Variants in ZNF385D observed in about 807,000 individuals in gnomAD.
ZNF385D encodes zinc finger protein 385D.
ZNF385D carries 15 observed loss-of-function variants against 35.8 expected under a neutral mutation model. The ratio of observed to expected loss-of-function variants is 0.42; its 90% CI spans 0.28 to 0.64. The LOEUF is 0.64. Among genes scored for constraint, ZNF385D ranks in the 30% least tolerant of loss-of-function variants. The probability of loss-of-function intolerance (pLI) is 0.23; values close to 1 mark genes in which losing one functional copy is unlikely to be tolerated. For missense variants in ZNF385D, 474 were observed against 494.6 expected, an observed-to-expected ratio of 0.96 and a Z score of 0.39; for synonymous variants, 212 against 186.8, an observed-to-expected ratio of 1.13 and a Z score of -1.10.
intron 2 of ZNF385D, among the ~76,000 whole-genome samples, chr3:21,647,834 A>G (rs1055624714): frequency 2.0e-5 from 3 of 152,172 alleles, no homozygotes; most frequent in East Asian, 1.9e-4. Context: ...TACCTGTTTT[A>G]TAGGCTTGGC....
chr3:21,430,834 C>A (rs1701261361), intron 5 of ZNF385D, among the ~76,000 whole-genome samples: 1 of 152,118 alleles, frequency 6.6e-6, no homozygotes, highest in South Asian at 2.1e-4. Flanking sequence ...TATTAACATG[C>A]AACAATTAAT....
intron 3 of ZNF385D, among the ~76,000 whole-genome samples, chr3:21,882,277 C>CAA (rs1461215270): frequency 2.0e-5 from 3 of 151,968 alleles, no homozygotes; most frequent in African/African-American, 7.2e-5. Flanking sequence ...ACAGCCATCT[C>CAA]AAACTTCAGC....
At chr3:22,044,173 CA>C (rs1698845154) in intron 3 of ZNF385D, among the ~76,000 whole-genome samples, 1 of 150,980 alleles carries the variant, frequency 6.6e-6, no homozygotes, top group East Asian at 2.0e-4. Context: ...CATGGATAGT[CA>C]CAAAAGTACT....
chr3:21,887,588 C>T (rs536702195), intron 3 of ZNF385D, among the ~76,000 whole-genome samples: 75 of 152,040 alleles, frequency 4.9e-4, no homozygotes, highest in Non-Finnish European at 7.9e-4. Context: ...GGAATTTGCT[C>T]TCATGGAAAT....
intron 3 of ZNF385D, among the ~76,000 whole-genome samples, chr3:21,930,890 G>C (rs889301435): frequency 1.3e-5 from 2 of 152,060 alleles, no homozygotes; most frequent in African/African-American, 4.8e-5. Flanking sequence ...AAATCTTCAA[G>C]ACCTTGGGTT....
intron 3 of ZNF385D, among the ~76,000 whole-genome samples, chr3:22,161,589 G>A (rs913894389): frequency 3.3e-5 from 5 of 152,058 alleles, no homozygotes; most frequent in South Asian, 2.1e-4. Flanking sequence ...TTCTAATATA[G>A]AATTCCTTTC....
chr3:22,318,678 C>T (rs1014852723), intron 2 of ZNF385D, among the ~76,000 whole-genome samples: 1 of 151,616 alleles, frequency 6.6e-6, no homozygotes, highest in Non-Finnish European at 1.5e-5. Flanking sequence ...AGATTGAGCA[C>T]GAGGAATACA....
intron 2 of ZNF385D, among the ~76,000 whole-genome samples, chr3:22,176,346 C>G (rs1441448769): frequency 2.6e-5 from 4 of 152,140 alleles, no homozygotes; most frequent in African/African-American, 9.7e-5. Flanking sequence ...TACTAAAAAG[C>G]ATTAATTGTT....
intron 3 of ZNF385D, among the ~76,000 whole-genome samples, chr3:22,002,291 A>T (rs1497932): frequency 0.66 from 99,683 of 151,920 alleles, 33,997 homozygotes; most frequent in African/African-American, 0.83. Flanking sequence ...ATACGAAGAA[A>T]CATTAGAGGA....
chr3:21,481,749 T>A (rs1704642864), intron 4 of ZNF385D, among the ~76,000 whole-genome samples: 1 of 152,164 alleles, frequency 6.6e-6, no homozygotes, highest in Admixed American at 6.6e-5. Context: ...AAGTCACCTT[T>A]CTGAAACCTC....
intron 3 of ZNF385D, among the ~76,000 whole-genome samples, chr3:21,936,452 A>G (rs1701262737): frequency 6.6e-6 from 1 of 151,500 alleles, no homozygotes; most frequent in Non-Finnish European, 1.5e-5. Context: ...CACCAATACT[A>G]TTTTCCCTTA....
intron 3 of ZNF385D, among the ~76,000 whole-genome samples, chr3:22,118,456 G>A (rs1702919779): frequency 6.6e-6 from 1 of 152,088 alleles, no homozygotes; most frequent in South Asian, 2.1e-4. Flanking sequence ...GTGAAAACAT[G>A]GTTGCTGCAT....
At chr3:21,934,754 A>G (rs1039496547) in intron 3 of ZNF385D, among the ~76,000 whole-genome samples, 2 of 152,214 alleles carry the variant, frequency 1.3e-5, no homozygotes, top group Non-Finnish European at 2.9e-5. Flanking sequence ...TTCTGCCTTG[A>G]GGAAGGCTGC....
At chr3:22,002,298 AG>A (rs563262275) in intron 3 of ZNF385D, among the ~76,000 whole-genome samples, 169 of 152,286 alleles carry the variant, frequency 1.1e-3, no homozygotes, top group African/African-American at 3.8e-3. Flanking sequence ...GAAACATTAG[AG>A]GATATGATGA....
intron 2 of ZNF385D, among the ~76,000 whole-genome samples, chr3:22,325,062 A>C (rs1321376779): frequency 1.3e-5 from 2 of 152,230 alleles, no homozygotes; most frequent in Non-Finnish European, 2.9e-5. Flanking sequence ...TGAAAATGCA[A>C]AGTACTTAGT....
chr3:21,787,748 G>C (rs1297628814), intron 3 of ZNF385D, among the ~76,000 whole-genome samples: 2 of 152,024 alleles, frequency 1.3e-5, no homozygotes, highest in Admixed American at 1.3e-4. Context: ...ATGAAAAGCA[G>C]AGGCCAAAAC....
At chr3:21,848,702 T>A (rs1372159050) in intron 3 of ZNF385D, among the ~76,000 whole-genome samples, 4 of 152,002 alleles carry the variant, frequency 2.6e-5, no homozygotes, top group African/African-American at 9.7e-5. Context: ...ATAGAATGCC[T>A]GAATAGTCGT....
At chr3:21,499,001 T>G (rs1465171381) in intron 4 of ZNF385D, among the ~76,000 whole-genome samples, 1 of 148,718 alleles carries the variant, frequency 6.7e-6, no homozygotes, top group East Asian at 2.0e-4. Context: ...GGCAAGGTTG[T>G]GGAGAAAAAC....
intron 3 of ZNF385D, among the ~76,000 whole-genome samples, chr3:21,912,573 C>T (rs1407783886): frequency 6.6e-6 from 1 of 151,938 alleles, no homozygotes; most frequent in Non-Finnish European, 1.5e-5. Context: ...CAGTGGATTG[C>T]TATAGTGCAT....
Sources: allele counts gnomAD v4.1 joint callset (sites outside exome capture counted in the v4.1 genomes callset), GRCh38; gene constraint gnomAD v4.1.1; transcripts MANE v1.5; gene names NCBI Gene and HGNC (gene_info 2026-07-23, HGNC 2026-07-21).